Variants in CHRM3 observed in about 807,000 individuals in gnomAD.
The protein encoded by CHRM3 is muscarinic acetylcholine receptor M3.
In CHRM3, 11 loss-of-function variants were observed where a neutral mutation model predicts 41.8. The ratio of observed to expected loss-of-function variants is 0.26; its 90% CI spans 0.17 to 0.44. The LOEUF is 0.44. CHRM3 is among the 20% of genes least tolerant of loss of function. The probability of loss-of-function intolerance (pLI) is 1.00; values close to 1 mark genes in which losing one functional copy is unlikely to be tolerated. For synonymous variants in CHRM3, 297 were observed against 301.4 expected, an observed-to-expected ratio of 0.99 and a Z score of 0.15; for missense variants, 571 against 745.4, an observed-to-expected ratio of 0.77 and a Z score of 2.72.
rs142056286 is a variant in CHRM3 at position 239,453,635 on chromosome 1, G to A, written c.-520-39074G>A. 1.5e-4 allele frequency among the ~76,000 whole-genome samples: 23 copies of A among 152,260 alleles called. No homozygotes were observed. The East Asian group carries it at 3.5e-3, about 23-fold the overall frequency. ...AGCTATTAAAAAAAGAAGGATGCAC[G>A]TAGGTATATATTATGCATTCTACTA... On this transcript the variant is annotated intron_variant, in intron 1 of 6. Transcript: ENST00000676153.
At chr1:239,744,383 A>G (rs1665157693) in intron 5 of CHRM3, among the ~76,000 whole-genome samples, 1 of 152,076 alleles carries the variant, frequency 6.6e-6, no homozygotes, top group South Asian at 2.1e-4. Context: ...TGGGGTGGTG[A>G]TGGGGGAATA....
chr1:239,690,509 G>GT (rs1659612989), intron 5 of CHRM3, among the ~76,000 whole-genome samples: 1 of 152,008 alleles, frequency 6.6e-6, no homozygotes, highest in South Asian at 2.1e-4. Context: ...GATTACAGGT[G>GT]TAAGCCACTG....
intron 1 of CHRM3, among the ~76,000 whole-genome samples, chr1:239,465,176 A>AT (rs990290279): frequency 2.0e-5 from 3 of 152,206 alleles, no homozygotes; most frequent in African/African-American, 7.2e-5. Context: ...ACACGCATGG[A>AT]TAGGCCAGTC....
At chr1:239,845,019 G>C (rs1674148540) in intron 6 of CHRM3, among the ~76,000 whole-genome samples, 1 of 152,174 alleles carries the variant, frequency 6.6e-6, no homozygotes, top group African/African-American at 2.4e-5. Context: ...CATCTGCCTT[G>C]ACAGGACTAG....
At chr1:239,618,843 G>C (rs1274939159) in intron 3 of CHRM3, among the ~76,000 whole-genome samples, 1 of 76,784 alleles carries the variant, frequency 1.3e-5, no homozygotes, top group African/African-American at 5.0e-5. Context: ...GACTCTGTCA[G>C]AAAAAAAAAA....
At chr1:239,715,536 A>G (rs989035723) in intron 5 of CHRM3, among the ~76,000 whole-genome samples, 1 of 152,152 alleles carries the variant, frequency 6.6e-6, no homozygotes, top group Non-Finnish European at 1.5e-5. Context: ...AGATTTGAGA[A>G]GATACCTACA....
intron 2 of CHRM3, among the ~76,000 whole-genome samples, chr1:239,517,410 A>T (rs745338884): frequency 2.0e-5 from 3 of 152,226 alleles, no homozygotes; most frequent in Non-Finnish European, 4.4e-5. Flanking sequence ...CAAAAGTTCA[A>T]GCTGCCCGAC....
chr1:239,707,151 A>C (rs530127998), intron 5 of CHRM3: 1 of 152,334 alleles, frequency 6.6e-6, no homozygotes, highest in Non-Finnish European at 1.5e-5. Context: ...TAAATATGTT[A>C]TATAGCTATT....
At chr1:239,430,438 G>A (rs944314000) in intron 1 of CHRM3, among the ~76,000 whole-genome samples, 1 of 151,894 alleles carries the variant, frequency 6.6e-6, no homozygotes, top group African/African-American at 2.4e-5. Flanking sequence ...GTGTAAAATA[G>A]GTACAACATT....
rs5782104 is a variant in CHRM3, at chr1:239,836,973, T to TAAA, written c.-20+9609_-20+9611dup. On this transcript the variant is annotated intron_variant, in intron 6 of 6. Transcript: ENST00000676153. ...CTGGCAACAGAGCAAGACTCTGTCT[T>TAAA]AAAAAAAAAAAAAAAAGATGGGTGA... Among the ~76,000 whole-genome samples the TAAA allele has an allele frequency of 5.4e-3, 729 of 135,442 alleles. 7 individuals are homozygous for TAAA. Among genetic ancestry groups the TAAA allele is most frequent in the Middle Eastern group, 0.015 (4 of 266 alleles). The allele number at this position is 135,442 out of a possible 152,430, so 88.9% of individuals were successfully genotyped here.
intron 1 of CHRM3, among the ~76,000 whole-genome samples, chr1:239,474,561 T>C (rs1666341365): frequency 6.6e-6 from 1 of 152,136 alleles, no homozygotes; most frequent in Non-Finnish European, 1.5e-5. Flanking sequence ...TGGTGTCTAG[T>C]TATGCTCAAT....
chr1:239,910,317 G>GTATA lies in CHRM3; in HGVS notation c.*1094_*1095insATAT, dbSNP rs200869434. The GTATA allele has an allele frequency of 3.4e-4, 44 of 127,744 alleles. No homozygotes were observed. The highest frequency in any genetic ancestry group is 2.6e-3 in the East Asian group (13 of 4,968). 7.9% of individuals were successfully genotyped at this position (127,744 alleles called of 1,614,324 possible). ...GTCATACACAGCAATATATATATAT[G>GTATA]TGTATATATATATATATGGCAAAGC... On this transcript the variant is annotated 3_prime_UTR_variant, in exon 7 of 7. Coordinates refer to ENST00000676153, the MANE Select transcript of CHRM3 (RefSeq NM_001375978.1).
Position 239,416,376 on chromosome 1 carries a change from C to T in CHRM3, c.-521+29149C>T, listed in dbSNP as rs1056626998. ...CTCTACAGAACAATAATACTACTCT[C>T]GGTGGTAAAGAGTACAACTTCTGAC... On this transcript the variant is annotated intron_variant, in intron 1 of 6. Coordinates refer to ENST00000676153, the MANE Select transcript of CHRM3 (RefSeq NM_001375978.1). Among the ~76,000 whole-genome samples the T allele has an allele frequency of 6.6e-5, 10 of 151,914 alleles. 2 individuals carry two copies. The highest frequency in any genetic ancestry group is 5.2e-4 in the Admixed American group (8 of 15,256).
At chr1:239,570,013 GCAA>G (rs1168947939) in intron 3 of CHRM3, among the ~76,000 whole-genome samples, 15 of 152,048 alleles carry the variant, frequency 9.9e-5, no homozygotes, top group South Asian at 2.1e-4. Context: ...TTAAAAAACA[GCAA>G]CAACAACAAC....
intron 1 of CHRM3, among the ~76,000 whole-genome samples, chr1:239,477,242 C>A (rs927628122): frequency 6.6e-6 from 1 of 152,104 alleles, no homozygotes; most frequent in African/African-American, 2.4e-5. Flanking sequence ...GTTTTCAATT[C>A]TAAAATTGAG....
At chr1:239,550,804 T>A (rs925357162) in intron 3 of CHRM3, among the ~76,000 whole-genome samples, 1 of 152,170 alleles carries the variant, frequency 6.6e-6, no homozygotes, top group Non-Finnish European at 1.5e-5. Context: ...AAAATTTGAT[T>A]TTTAGAACAG....
At chr1:239,898,834 A>C (rs534244851) in intron 6 of CHRM3, among the ~76,000 whole-genome samples, 1 of 152,292 alleles carries the variant, frequency 6.6e-6, no homozygotes, top group Non-Finnish European at 1.5e-5. Flanking sequence ...CTGGATATTT[A>C]CACATTTTTA....
chr1:239,618,200 G>A (rs1402588910), intron 3 of CHRM3, among the ~76,000 whole-genome samples: 2 of 151,308 alleles, frequency 1.3e-5, no homozygotes, highest in East Asian at 2.0e-4. Flanking sequence ...GCACATTTGG[G>A]GCTTGCAGTC....
chr1:239,445,649 A>T (rs1664070039), intron 1 of CHRM3, among the ~76,000 whole-genome samples: 1 of 152,178 alleles, frequency 6.6e-6, no homozygotes, highest in Admixed American at 6.5e-5. Flanking sequence ...ACGATAGAAA[A>T]TTTAATTCAC....
Sources: gnomAD v4.1 joint callset for allele counts (sites outside exome capture counted in the v4.1 genomes callset) on GRCh38, gnomAD v4.1.1 for gene constraint, MANE v1.5 for transcripts, NCBI Gene and HGNC (gene_info 2026-07-23, HGNC 2026-07-21) for gene names.